JAKMIP1: variants seen among roughly 807,000 people sequenced by gnomAD.
JAKMIP1 encodes janus kinase and microtubule interacting protein 1, also known as janus kinase and microtubule-interacting protein 1.
JAKMIP1 carries 33 observed loss-of-function variants against 113.0 expected under a neutral mutation model. That is an observed-to-expected ratio of 0.29 (90% confidence interval 0.22 to 0.39). JAKMIP1 has a LOEUF of 0.39. Ranked by LOEUF, JAKMIP1 falls within the 10% of genes least tolerant of loss-of-function variation. The probability of loss-of-function intolerance (pLI) is 1.00; values close to 1 mark genes in which losing one functional copy is unlikely to be tolerated. For missense variants in JAKMIP1, 813 were observed against 1,080.5 expected (o/e 0.75, Z 3.47); for synonymous variants, 480 against 459.9 (o/e 1.04, Z -0.56).
chr4:6,036,360 G>A (rs1713439818), intron 18 of JAKMIP1, among the ~76,000 whole-genome samples: 1 of 152,174 alleles, frequency 6.6e-6, no homozygotes, highest in Non-Finnish European at 1.5e-5. Flanking sequence ...GGGGACAAAG[G>A]CAAGAAGAAA....
intron 3 of JAKMIP1, among the ~76,000 whole-genome samples, chr4:6,091,992 G>A (rs901108726): frequency 2.0e-5 from 3 of 152,182 alleles, no homozygotes; most frequent in African/African-American, 7.2e-5. Context: ...TCTCCAGGAG[G>A]TTCTTAGTTT....
intron 2 of JAKMIP1, among the ~76,000 whole-genome samples, chr4:6,110,435 C>G (rs981737962): frequency 1.3e-5 from 2 of 151,446 alleles, no homozygotes; most frequent in African/African-American, 4.9e-5. Flanking sequence ...ATCTGTGGGA[C>G]TTGGTTACTG....
At chr4:6,035,237 A>G (rs563583990) in intron 19 of JAKMIP1, among the ~76,000 whole-genome samples, 5 of 152,090 alleles carry the variant, frequency 3.3e-5, no homozygotes, top group African/African-American at 1.2e-4. Context: ...CTTCAGACAC[A>G]TGAGTTAACC....
chr4:6,126,523 C>CAT (rs1717671190), intron 1 of JAKMIP1, among the ~76,000 whole-genome samples: 1 of 150,672 alleles, frequency 6.6e-6, no homozygotes, highest in African/African-American at 2.4e-5. Context: ...CACATGCACA[C>CAT]ACACCATACA....
chr4:6,182,948 T>C (rs1726210983), intron 1 of JAKMIP1, among the ~76,000 whole-genome samples: 1 of 152,178 alleles, frequency 6.6e-6, no homozygotes, highest in South Asian at 2.1e-4. Flanking sequence ...TCACAGAGAC[T>C]TGGAGGTCAG....
At position 6,044,191 on chromosome 4, in the gene JAKMIP1, G is replaced by A. The variant is rs983614028; in HGVS notation, c.2029-1964C>T. On this transcript the variant is annotated intron_variant, in intron 16 of 20. Coordinates refer to ENST00000409021, the MANE Select transcript of JAKMIP1 (RefSeq NM_001099433.2). This position sits in a 1 kb window ranked among gnomAD's most constrained non-coding sequence, Gnocchi z 4.4. ...CGGGTCGTAGCACTCACCTGACAGC[G>A]CTGTTGTCTGTTTCACCCCTCACCC... Among the ~76,000 whole-genome samples the A allele has an allele frequency of 1.4e-4, 21 of 150,956 alleles. No individual in the cohort carries two copies. The highest frequency in any genetic ancestry group is 3.9e-4 in the African/African-American group (16 of 40,618).
At chr4:6,166,501 T>G (rs368775504) in intron 1 of JAKMIP1, among the ~76,000 whole-genome samples, 8 of 152,270 alleles carry the variant, frequency 5.3e-5, no homozygotes, top group East Asian at 3.9e-4. Flanking sequence ...AGCCAGGATG[T>G]GTGCAGGCCC....
rs527322111 is a variant in JAKMIP1 at position 6,112,973 on chromosome 4, G to A, written c.-123C>T. On this transcript the variant is annotated 5_prime_UTR_variant, in exon 2 of 21. Transcript: ENST00000409021. ...TCGCGCAGGACTCAGCTCGCCCTCC[G>A]AGGAAACCACCATCACTTGGGATCC... is the stretch of plus-strand genomic sequence containing the variant. The A allele has an allele frequency of 1.1e-5, 15 of 1,344,066 alleles. No individual in the cohort carries two copies. The highest frequency in any genetic ancestry group is 2.3e-4 in the Middle Eastern group (1 of 4,258). 83.3% of individuals were successfully genotyped at this position (1,344,066 alleles called of 1,614,324 possible).
In JAKMIP1 at chr4:6,067,997, C is replaced by G. The variant is rs929851096; in HGVS notation, c.1303-2989G>C. Among the ~76,000 whole-genome samples the G allele has an allele frequency of 3.9e-5, 6 of 152,332 alleles. No individual in the cohort carries two copies. Among genetic ancestry groups the G allele is most frequent in the African/African-American group, 1.4e-4 (6 of 41,578 alleles). ...GAAGCATCATCAAGTTACACACTTT[C>G]CAAACATTTAGAACACACTGCTGGG... On this transcript the variant is annotated intron_variant, in intron 8 of 20. Coordinates refer to ENST00000409021, the MANE Select transcript of JAKMIP1 (RefSeq NM_001099433.2). The surrounding 1 kb of genome is among the most constrained non-coding windows in gnomAD (Gnocchi z 4.6).
At chr4:6,085,708 C>T in intron 3 of JAKMIP1, 79 bp from the exon 4 acceptor site, 1 of 1,371,378 alleles carries the variant, frequency 7.3e-7, no homozygotes, top group Non-Finnish European at 1.0e-6. Context: ...GGGCCTTCGG[C>T]CCAGGGAAAG....
rs577238570 is a variant in JAKMIP1, at chr4:6,081,159, C to A, written c.1101+450G>T. ...GTCAACTACAAGACGCCTGCCCTGA[C>A]CACAAACACCAGGCATCCTAGCTGG... On this transcript the variant is annotated intron_variant, in intron 6 of 20. Transcript: ENST00000409021. The surrounding 1 kb of genome is among the most constrained non-coding windows in gnomAD (Gnocchi z 4.6). 2.2e-4 allele frequency among the ~76,000 whole-genome samples: 34 copies of A among 152,306 alleles called. No individual in the cohort carries two copies. The highest frequency in any genetic ancestry group is 7.7e-4 in the African/African-American group (32 of 41,558).
chr4:6,037,725 C>T (rs1713709143), intron 18 of JAKMIP1, among the ~76,000 whole-genome samples: 1 of 140,330 alleles, frequency 7.1e-6, no homozygotes, highest in Admixed American at 7.0e-5. Context: ...CCCAGTAGCC[C>T]TCCATCACCG....
At chr4:6,035,281 G>C (rs1435082103) in intron 19 of JAKMIP1, among the ~76,000 whole-genome samples, 2 of 152,038 alleles carry the variant, frequency 1.3e-5, no homozygotes, top group East Asian at 3.9e-4. Flanking sequence ...CTGGAAAATG[G>C]ACGTCATAGT....
rs1246850395 is a variant in JAKMIP1, at chr4:6,031,811, T to C, written c.2380-2030A>G. 6.6e-6 allele frequency among the ~76,000 whole-genome samples: 1 copy of C among 152,244 alleles called. No individual in the cohort carries two copies. The highest frequency in any genetic ancestry group is 1.5e-5 in the Non-Finnish European group (1 of 68,044). ...GCAGTTATTCTGCCTCCCTGAGGCT[T>C]GGTGTCCTTATCTATAGATGGGTGC... is the stretch of plus-strand genomic sequence containing the variant. On this transcript the variant is annotated intron_variant, in intron 19 of 20. Transcript: ENST00000409021. This position sits in a 1 kb window ranked among gnomAD's most constrained non-coding sequence, Gnocchi z 4.4.
intron 1 of JAKMIP1, among the ~76,000 whole-genome samples, chr4:6,170,557 A>C (rs944506873): frequency 1.3e-5 from 2 of 150,926 alleles, no homozygotes; most frequent in East Asian, 3.9e-4. Flanking sequence ...CATCACCATC[A>C]CCACCACCAC....
chr4:6,178,929 C>T lies in JAKMIP1; in HGVS notation c.-148+21324G>A, dbSNP rs1160682933. ...CCCTGCCCCGGCACAGTGCCTGGCT[C>T]GGAGAGCACACTCGGTCATTCATTT... On this transcript the variant is annotated intron_variant, in intron 1 of 20. Transcript: ENST00000409021. The surrounding 1 kb of genome is among the most constrained non-coding windows in gnomAD (Gnocchi z 5.5). 1.3e-5 allele frequency among the ~76,000 whole-genome samples: 2 copies of T among 152,142 alleles called. No homozygotes were observed. The highest frequency in any genetic ancestry group is 1.3e-4 in the Admixed American group (2 of 15,286).
At chr4:6,030,592 C>T (rs1712502603) in intron 19 of JAKMIP1, among the ~76,000 whole-genome samples, 1 of 152,196 alleles carries the variant, frequency 6.6e-6, no homozygotes, top group African/African-American at 2.4e-5. Context: ...AGGGCCCCAC[C>T]AAGGTGGGTA....
chr4:6,176,103 C>T lies in JAKMIP1; in HGVS notation c.-148+24150G>A, dbSNP rs1403846179. Among the ~76,000 whole-genome samples the T allele has an allele frequency of 6.6e-6, 1 of 152,170 alleles. No homozygotes were observed. Among genetic ancestry groups the T allele is most frequent in the Non-Finnish European group, 1.5e-5 (1 of 68,026 alleles). The stretch of plus-strand genomic sequence containing the variant: ...AGAGATGAACATGGTGTAATGCTCC[C>T]CTGGAGTAGTCAGAGATCTAGTGAG... On this transcript the variant is annotated intron_variant, in intron 1 of 20. Transcript: ENST00000409021. This position sits in a 1 kb window ranked among gnomAD's most constrained non-coding sequence, Gnocchi z 5.5.
At chr4:6,055,441 G>A (rs1046681258) in intron 12 of JAKMIP1, among the ~76,000 whole-genome samples, 11 of 152,194 alleles carry the variant, frequency 7.2e-5, no homozygotes, top group African/African-American at 2.4e-4. Context: ...CAGACTCTCC[G>A]AGAGCTCTGG....
Sources: gnomAD v4.1 joint callset for allele counts (sites outside exome capture counted in the v4.1 genomes callset) on GRCh38, gnomAD v4.1.1 for gene constraint, Gnocchi (gnomAD v3.1) non-coding constraint, MANE v1.5 for transcripts, NCBI Gene and HGNC (gene_info 2026-07-23, HGNC 2026-07-21) for gene names.